Variants in PLOD2 observed in about 807,000 individuals in gnomAD.
PLOD2 encodes procollagen-lysine,2-oxoglutarate 5-dioxygenase 2, also known as lysine hydroxylase 2.
A neutral mutation model predicts 101.0 loss-of-function variants in PLOD2; 65 were observed. The ratio of observed to expected loss-of-function variants is 0.64; its 90% confidence interval spans 0.53 to 0.79. PLOD2 has a LOEUF of 0.79. Among genes scored for constraint, PLOD2 ranks in the 30% least tolerant of loss-of-function variants. The pLI, the probability that PLOD2 is intolerant of heterozygous loss-of-function variation, is 0.00. For missense variants in PLOD2, 909 were observed against 914.6 expected (o/e 0.99, Z 0.08); for synonymous variants, 314 against 302.9 (o/e 1.04, Z -0.38).
intron 1 of PLOD2, among the ~76,000 whole-genome samples, chr3:146,148,338 G>GCGCACACACACA (rs71633958): frequency 3.3e-4 from 49 of 146,542 alleles, no homozygotes; most frequent in African/African-American, 1.2e-3. Flanking sequence ...AGGCAGGCAC[G>GCGCACACACACA]CACACACACA....
chr3:146,091,517 G>A (rs942525447), intron 8 of PLOD2, among the ~76,000 whole-genome samples: 1 of 151,760 alleles, frequency 6.6e-6, no homozygotes, highest in Admixed American at 6.6e-5. Context: ...CTTTGACTAA[G>A]CTAACAGAAT....
intron 4 of PLOD2, among the ~76,000 whole-genome samples, chr3:146,109,960 G>C (rs906713700): frequency 6.6e-5 from 10 of 151,796 alleles, no homozygotes; most frequent in African/African-American, 1.9e-4. Flanking sequence ...TATTATCCTA[G>C]AGCAAGAAAA....
intron 1 of PLOD2, among the ~76,000 whole-genome samples, chr3:146,153,952 C>T (rs1000049422): frequency 1.3e-5 from 2 of 151,966 alleles, no homozygotes; most frequent in African/African-American, 4.8e-5. Context: ...TGAGAAAGTT[C>T]TTTGTAAAAA....
chr3:146,122,021 T>C (rs2030198208), intron 2 of PLOD2, among the ~76,000 whole-genome samples: 2 of 152,090 alleles, frequency 1.3e-5, no homozygotes, highest in Admixed American at 6.6e-5. Flanking sequence ...ATTATAATGA[T>C]CTACTAAGAG....
chr3:146,136,491 A>C (rs2031237712), intron 1 of PLOD2, among the ~76,000 whole-genome samples: 1 of 152,236 alleles, frequency 6.6e-6, no homozygotes, highest in Non-Finnish European at 1.5e-5. Context: ...TATGAAACAT[A>C]CACGAATTTC....
In PLOD2 at chr3:146,086,843, T is replaced by C; in HGVS notation, c.1071A>G (p.Ile357Met). 1 of 1,538,302 alleles carries C rather than the reference T, an allele frequency of 6.5e-7. No individual in the cohort carries two copies. Among genetic ancestry groups the C allele is most frequent in the Non-Finnish European group, 8.9e-7 (1 of 1,125,088 alleles). ...FDKAKHEIKT[I>M]KIVGPEENLS... ...GATTTTCTTCTGGTCCTACTATTTTTATAGTTTTGATTTCATGCTTAGCTT... is the reference window on the plus strand; with the variant it reads ...GATTTTCTTCTGGTCCTACTATTTTCATAGTTTTGATTTCATGCTTAGCTT... The change falls in exon 10 of 20, where the codon ATA becomes ATG. Residue 357 changes from isoleucine to methionine, a missense_variant. Physicochemically the swap from Ile to Met is conservative, Grantham distance 10 (BLOSUM62 1). Transcript: ENST00000282903.
chr3:146,074,323 G>A (rs2107996917), intron 15 of PLOD2, among the ~76,000 whole-genome samples: 1 of 151,542 alleles, frequency 6.6e-6, no homozygotes, highest in African/African-American at 2.4e-5. Context: ...GAGCCAGCAG[G>A]GAGGAAGTGA....
intron 3 of PLOD2, among the ~76,000 whole-genome samples, chr3:146,110,764 A>T (rs1937616121): frequency 6.6e-6 from 1 of 152,198 alleles, no homozygotes; most frequent in South Asian, 2.1e-4. Context: ...TTAGAAATAC[A>T]GTTACTTGTT....
At chr3:146,101,349 C>T (rs980483600) in intron 7 of PLOD2, among the ~76,000 whole-genome samples, 3 of 152,142 alleles carry the variant, frequency 2.0e-5, no homozygotes, top group African/African-American at 7.2e-5. Context: ...TACATGCACA[C>T]AAACTGAGCT....
At chr3:146,098,254 AT>A (rs796477552) in intron 7 of PLOD2, among the ~76,000 whole-genome samples, 6 of 152,338 alleles carry the variant, frequency 3.9e-5, no homozygotes, top group African/African-American at 1.4e-4. Context: ...ATTAAGATGT[AT>A]ATTGTTTGAT....
At chr3:146,143,974 T>C (rs982291320) in intron 1 of PLOD2, among the ~76,000 whole-genome samples, 2 of 152,046 alleles carry the variant, frequency 1.3e-5, no homozygotes, top group Non-Finnish European at 2.9e-5. Flanking sequence ...CTGGCTGCTC[T>C]GCAGACACAT....
chr3:146,116,219 C>T (rs1302689615), intron 3 of PLOD2, among the ~76,000 whole-genome samples: 1 of 151,834 alleles, frequency 6.6e-6, no homozygotes, highest in Non-Finnish European at 1.5e-5. Context: ...CCTAACCACC[C>T]ACCCTCAAAA....
At chr3:146,124,357 A>T (rs1333316163) in intron 1 of PLOD2, 128 bp from the exon 2 acceptor site, 4 of 602,794 alleles carry the variant, frequency 6.6e-6, no homozygotes, top group Non-Finnish European at 1.2e-5. Flanking sequence ...TCTACACAAG[A>T]CTAAACAAAG....
At chr3:146,070,955 A>T (rs2107990413) in intron 19 of PLOD2, 83 bp from the exon 20 acceptor site, 9 of 1,512,850 alleles carry the variant, frequency 5.9e-6, no homozygotes, top group Non-Finnish European at 7.3e-6. Context: ...AGCAAAATTT[A>T]AAAAAGAAAC....
At chr3:146,140,383 A>T (rs1475858334) in intron 1 of PLOD2, among the ~76,000 whole-genome samples, 1 of 152,078 alleles carries the variant, frequency 6.6e-6, no homozygotes, top group Non-Finnish European at 1.5e-5. Context: ...GTGAAGTCTG[A>T]TTTCACTGTG....
intron 3 of PLOD2, among the ~76,000 whole-genome samples, chr3:146,118,076 AGTGAAAATGTACAT>A (rs374262925): frequency 3.9e-4 from 59 of 152,278 alleles, no homozygotes; most frequent in African/African-American, 1.4e-3. Flanking sequence ...TCAGAGCCAA[AGTGAAAATGTACAT>A]GTGGCAAGTT....
chr3:146,157,471 G>A (rs1331587324), intron 1 of PLOD2, among the ~76,000 whole-genome samples: 1 of 152,116 alleles, frequency 6.6e-6, no homozygotes, highest in Non-Finnish European at 1.5e-5. Context: ...AAACTAAAAA[G>A]GAAGGAACAG....
At chr3:146,152,766 T>G (rs560491999) in intron 1 of PLOD2, among the ~76,000 whole-genome samples, 4 of 152,304 alleles carry the variant, frequency 2.6e-5, no homozygotes, top group African/African-American at 9.6e-5. Flanking sequence ...TTATTTTCCC[T>G]GCAAGAATCT....
At chr3:146,075,487 T>TAAAAAAAAAAAAAA (rs35706246) in intron 15 of PLOD2, among the ~76,000 whole-genome samples, 23 of 93,606 alleles carry the variant, frequency 2.5e-4, no homozygotes, top group Non-Finnish European at 3.6e-4. Flanking sequence ...CTCAAATCTG[T>TAAAAAAAAAAAAAA]AAAAAAAAAA....
Sources: gnomAD v4.1 joint callset for allele counts (sites outside exome capture counted in the v4.1 genomes callset) on GRCh38, gnomAD v4.1.1 for gene constraint, MANE v1.5 for transcripts, NCBI Gene and HGNC (gene_info 2026-07-23, HGNC 2026-07-21) for gene names.